The following PPFIA2 variants were observed in gnomAD, a reference collection of about 807,000 sequenced individuals.
The protein encoded by PPFIA2 is PPFI scaffold protein A2.
Under a neutral mutation model 175.5 loss-of-function variants are expected in PPFIA2, and 46 were observed. The ratio of observed to expected loss-of-function variants is 0.26; its 90% CI spans 0.21 to 0.34. The LOEUF (loss-of-function observed/expected upper bound fraction) is 0.34, where lower values mean the gene tolerates loss of function less well. Ranked by LOEUF, PPFIA2 falls within the 10% of genes least tolerant of loss-of-function variation. The pLI, the probability that PPFIA2 is intolerant of heterozygous loss-of-function variation, is 1.00. For missense variants in PPFIA2, 1,179 were observed against 1,506.1 expected (o/e 0.78, Z 3.60); for synonymous variants, 568 against 511.4 (o/e 1.11, Z -1.49).
intron 3 of PPFIA2, among the ~76,000 whole-genome samples, chr12:81,736,955 T>C (rs948210223): frequency 6.6e-6 from 1 of 151,922 alleles, no homozygotes; most frequent in Non-Finnish European, 1.5e-5. Context: ...TTGTTGCCCA[T>C]GCTGGTATCA....
chr12:81,454,986 T>G (rs1430420367), intron 5 of PPFIA2, among the ~76,000 whole-genome samples: 4 of 152,116 alleles, frequency 2.6e-5, no homozygotes, highest in African/African-American at 9.7e-5. Flanking sequence ...GCAGCTGAGG[T>G]TACAGGCATG....
rs572727312 is a variant in PPFIA2 at position 81,665,836 on chromosome 12, A to C, written c.303+10955T>G. 4.5e-4 allele frequency among the ~76,000 whole-genome samples: 68 copies of C among 152,192 alleles called. 1 individual carries two copies. The East Asian group carries it at 0.011, about 24-fold the overall frequency. ...ATCAGAGTGAACAGGCAACCTACAG[A>C]ATGGGAGAAAATTTTTGCAATCTAC... On this transcript the variant is annotated intron_variant, in intron 4 of 32. Coordinates refer to ENST00000549396, the MANE Select transcript of PPFIA2 (RefSeq NM_003625.5).
intron 8 of PPFIA2, among the ~76,000 whole-genome samples, chr12:81,389,182 T>C (rs992943538): frequency 6.7e-6 from 1 of 148,236 alleles, no homozygotes; most frequent in African/African-American, 2.5e-5. Flanking sequence ...AGTTTATATA[T>C]ATACACATAT....
chr12:81,354,495 A>T (rs2060551563), intron 16 of PPFIA2, among the ~76,000 whole-genome samples: 1 of 152,192 alleles, frequency 6.6e-6, no homozygotes, highest in Non-Finnish European at 1.5e-5. Context: ...ATGAGATTGC[A>T]GCAATTTGGT....
chr12:81,639,170 A>C (rs2064580667), intron 4 of PPFIA2, among the ~76,000 whole-genome samples: 1 of 152,196 alleles, frequency 6.6e-6, no homozygotes, highest in Admixed American at 6.5e-5. Context: ...ATCACTCAGT[A>C]TCTCTCTCAT....
At chr12:81,569,430 A>C (rs2072041839) in intron 4 of PPFIA2, among the ~76,000 whole-genome samples, 1 of 152,198 alleles carries the variant, frequency 6.6e-6, no homozygotes. Flanking sequence ...GAAATAATCT[A>C]AACTCCGACT....
At chr12:81,345,747 A>G (rs1045434047) in intron 18 of PPFIA2, among the ~76,000 whole-genome samples, 3 of 152,188 alleles carry the variant, frequency 2.0e-5, no homozygotes, top group African/African-American at 4.8e-5. Context: ...CATTAATACT[A>G]TGTAGCATAT....
At chr12:81,566,861 T>G (rs1402938451) in intron 4 of PPFIA2, among the ~76,000 whole-genome samples, 1 of 152,230 alleles carries the variant, frequency 6.6e-6, no homozygotes, top group Non-Finnish European at 1.5e-5. Context: ...TCTATGTTTA[T>G]ACACTGACAT....
chr12:81,633,901 T>C (rs2063690628), intron 4 of PPFIA2, among the ~76,000 whole-genome samples: 1 of 151,860 alleles, frequency 6.6e-6, no homozygotes, highest in African/African-American at 2.4e-5. Flanking sequence ...CTCAAGAAAA[T>C]ATGTGCCAAA....
intron 7 of PPFIA2, among the ~76,000 whole-genome samples, chr12:81,433,639 G>A (rs1391914679): frequency 6.6e-6 from 1 of 152,100 alleles, no homozygotes; most frequent in East Asian, 1.9e-4. Flanking sequence ...TGTTTATTGA[G>A]CATACTGAAT....
chr12:81,690,569 T>C (rs2075116398), intron 3 of PPFIA2, among the ~76,000 whole-genome samples: 1 of 152,088 alleles, frequency 6.6e-6, no homozygotes, highest in Non-Finnish European at 1.5e-5. Context: ...GCAGTGCATC[T>C]TAAAGTGCTT....
chr12:81,544,770 C>T (rs1001990639), intron 4 of PPFIA2, among the ~76,000 whole-genome samples: 2 of 152,016 alleles, frequency 1.3e-5, no homozygotes, highest in Non-Finnish European at 2.9e-5. Flanking sequence ...TCACAACAAC[C>T]TTCTAGATGC....
chr12:81,457,657 G>T, intron 5 of PPFIA2, 108 bp downstream of exon 5: 1 of 611,524 alleles, frequency 1.6e-6, no homozygotes, highest in Non-Finnish European at 2.7e-6. Context: ...TCTGCTTAAA[G>T]TAATTATAAA....
chr12:81,534,674 T>G lies in PPFIA2; in HGVS notation c.304-76808A>C, dbSNP rs552824918. ...TCAAGAGGGAGAAAAAGAACTTTTC[T>G]AGAAACAACCCAAGCACACTTGATA... On this transcript the variant is annotated intron_variant, in intron 4 of 32. Transcript: ENST00000549396. Among the ~76,000 whole-genome samples, 17 of 151,834 alleles carry G rather than the reference T, an allele frequency of 1.1e-4. 1 individual carries two copies. The South Asian group carries it at 3.5e-3, about 31-fold the overall frequency.
chr12:81,426,245 G>T (rs1295682705), intron 7 of PPFIA2, among the ~76,000 whole-genome samples: 1 of 152,120 alleles, frequency 6.6e-6, no homozygotes, highest in Non-Finnish European at 1.5e-5. Flanking sequence ...GTCAATTCTA[G>T]AAGGGTAATA....
chr12:81,312,600 G>A (rs1235343243), intron 22 of PPFIA2, among the ~76,000 whole-genome samples: 2 of 152,082 alleles, frequency 1.3e-5, no homozygotes, highest in African/African-American at 2.4e-5. Context: ...TACTGCTAAG[G>A]CCCAAGAAAA....
intron 4 of PPFIA2, among the ~76,000 whole-genome samples, chr12:81,525,879 C>T (rs868720656): frequency 1.3e-5 from 2 of 152,142 alleles, no homozygotes; most frequent in African/African-American, 4.8e-5. Flanking sequence ...GTAATCAGAA[C>T]ATATTTTATT....
chr12:81,582,308 T>C (rs1341078670), intron 4 of PPFIA2, among the ~76,000 whole-genome samples: 3 of 151,918 alleles, frequency 2.0e-5, no homozygotes, highest in Admixed American at 2.0e-4. Flanking sequence ...GACTACATAA[T>C]GCCTGTGATT....
At chr12:81,387,379 A>G (rs2039211797) in intron 8 of PPFIA2, among the ~76,000 whole-genome samples, 2 of 152,136 alleles carry the variant, frequency 1.3e-5, no homozygotes, top group Non-Finnish European at 2.9e-5. Context: ...AATGCAAATG[A>G]CACATAGAGT....
Sources: gnomAD v4.1 joint callset for allele counts (sites outside exome capture counted in the v4.1 genomes callset) on GRCh38, gnomAD v4.1.1 for gene constraint, MANE v1.5 for transcripts, NCBI Gene and HGNC (gene_info 2026-07-23, HGNC 2026-07-21) for gene names.